The following AQP7B variants were observed in gnomAD, a reference collection of about 807,000 sequenced individuals.
AQP7B encodes the protein aquaporin 7B, also known as putative aquaporin-7B.
At chr2:94,595,198 G>T in the AQP7B span, among the ~76,000 whole-genome samples, 2 of 152,178 alleles carry the variant, frequency 1.3e-5, no homozygotes, top group Admixed American at 1.3e-4. Flanking sequence ...ACTTTGGGAG[G>T]CTTAGGCAGG....
the AQP7B span, among the ~76,000 whole-genome samples, chr2:94,589,371 A>C: frequency 6.6e-6 from 1 of 151,962 alleles, no homozygotes; most frequent in South Asian, 2.1e-4. Context: ...TATTCCCTCC[A>C]TCTGAGAGGC....
the AQP7B span, among the ~76,000 whole-genome samples, chr2:94,597,870 G>T: frequency 6.6e-6 from 1 of 152,106 alleles, no homozygotes; most frequent in Admixed American, 6.5e-5. Context: ...CTCCCAAAGT[G>T]CTGGGATTAC....
chr2:94,599,931 T>C, the AQP7B span, among the ~76,000 whole-genome samples: 1 of 151,316 alleles, frequency 6.6e-6, no homozygotes, highest in Non-Finnish European at 1.5e-5. Context: ...CAGGCTGGAG[T>C]GCAGTGGCGT....
chr2:94,593,013 A>T, the AQP7B span, among the ~76,000 whole-genome samples: 8 of 151,468 alleles, frequency 5.3e-5, no homozygotes, highest in African/African-American at 1.9e-4. Context: ...TTTTTCGTAG[A>T]GATGAGGTTT....
chr2:94,602,738 G>A, the AQP7B span: 30 of 1,068,120 alleles, frequency 2.8e-5, no homozygotes, highest in Non-Finnish European at 3.8e-5. Context: ...CACCGGGCAG[G>A]AGGAAGTCTC....
chr2:94,604,387 A>G, the AQP7B span: 1 of 1,611,414 alleles, frequency 6.2e-7, no homozygotes. Context: ...CCACCATCCC[A>G]CGGGAGCCCC....
the AQP7B span, among the ~76,000 whole-genome samples, chr2:94,587,609 TC>T: frequency 6.6e-6 from 1 of 152,128 alleles, no homozygotes. Context: ...ACATACACCT[TC>T]TCTCTGGGCC....
chr2:94,598,731 C>A, the AQP7B span, among the ~76,000 whole-genome samples: 1 of 152,224 alleles, frequency 6.6e-6, no homozygotes, highest in Admixed American at 6.5e-5. Context: ...GGATGAATTA[C>A]GTGCATGAGT....
chr2:94,593,480 CTT>C, the AQP7B span, among the ~76,000 whole-genome samples: 468 of 113,882 alleles, frequency 4.1e-3, 1 homozygote, highest in African/African-American at 0.013. Flanking sequence ...TCCTCTTCCT[CTT>C]TTTTTTTTTT....
At chr2:94,604,608 T>C in the AQP7B span, 2 of 1,524,726 alleles carry the variant, frequency 1.3e-6, no homozygotes, top group South Asian at 1.3e-5. Flanking sequence ...CCTTCCCCAA[T>C]AAAGCAAAGC....
the AQP7B span, among the ~76,000 whole-genome samples, chr2:94,598,379 C>A: frequency 6.6e-6 from 1 of 152,212 alleles, no homozygotes; most frequent in African/African-American, 2.4e-5. Flanking sequence ...GGCCTCCTGG[C>A]TGTGGGGGAG....
the AQP7B span, among the ~76,000 whole-genome samples, chr2:94,595,929 G>C: frequency 6.6e-6 from 1 of 152,240 alleles, no homozygotes; most frequent in Non-Finnish European, 1.5e-5. Context: ...AACACAGGTG[G>C]TGGTTGTCAA....
chr2:94,600,849 G>A, the AQP7B span, among the ~76,000 whole-genome samples: 33 of 151,466 alleles, frequency 2.2e-4, no homozygotes, highest in African/African-American at 6.1e-4. Context: ...ATTGCACTCC[G>A]GCTTGGGCAA....
At chr2:94,594,937 A>G in the AQP7B span, 1 of 952,878 alleles carries the variant, frequency 1.0e-6, no homozygotes, top group Admixed American at 1.9e-5. Context: ...CCCCCTCCCC[A>G]TGCTGACCCC....
At chr2:94,602,773 G>A in the AQP7B span, among the ~76,000 whole-genome samples, 1 of 152,144 alleles carries the variant, frequency 6.6e-6, no homozygotes, top group Admixed American at 6.5e-5. Flanking sequence ...CCTATGACTT[G>A]TCTGCCCCAG....
chr2:94,590,489 A>G, the AQP7B span, among the ~76,000 whole-genome samples: 21 of 152,266 alleles, frequency 1.4e-4, no homozygotes, highest in African/African-American at 3.9e-4. Context: ...TGCCTGGCCA[A>G]CAAATGTTTG....
At chr2:94,598,319 G>A in the AQP7B span, among the ~76,000 whole-genome samples, 1 of 152,180 alleles carries the variant, frequency 6.6e-6, no homozygotes, top group Non-Finnish European at 1.5e-5. Flanking sequence ...CAGGACGAGG[G>A]AAGTGGATTG....
the AQP7B span, among the ~76,000 whole-genome samples, chr2:94,601,051 TCAAA>T: frequency 6.6e-5 from 10 of 152,148 alleles, no homozygotes; most frequent in East Asian, 5.8e-4. Flanking sequence ...ATCTCAAGCA[TCAAA>T]CAAACAAACA....
the AQP7B span, among the ~76,000 whole-genome samples, chr2:94,599,022 T>TC: frequency 2.0e-5 from 3 of 152,144 alleles, no homozygotes; most frequent in Admixed American, 6.5e-5. Context: ...TAGGCAGGTC[T>TC]CGAACTCCTG....
Sources: gnomAD v4.1 joint callset for allele counts (sites outside exome capture counted in the v4.1 genomes callset) on GRCh38, gnomAD v4.1.1 for gene constraint, MANE v1.5 for transcripts, NCBI Gene and HGNC (gene_info 2026-07-23, HGNC 2026-07-21) for gene names.